Variants in CYFIP2 observed in about 807,000 individuals in gnomAD.
The protein encoded by CYFIP2 is cytoplasmic FMR1 interacting protein 2, also known as cytoplasmic FMR1-interacting protein 2.
In CYFIP2, 29 loss-of-function variants were observed where a neutral mutation model predicts 158.7. That is an observed-to-expected ratio of 0.18 (90% CI 0.14 to 0.25). CYFIP2 has a LOEUF of 0.25. Ranked by LOEUF, CYFIP2 falls within the 10% of genes least tolerant of loss-of-function variation. The pLI is 1.00. For missense variants in CYFIP2, 852 were observed against 1,639.5 expected (o/e 0.52, Z 8.29); for synonymous variants, 585 against 617.6 (o/e 0.95, Z 0.78).
rs141545128 is a variant in CYFIP2 at position 157,312,486 on chromosome 5, A to G, written c.1110+705A>G. ...TCCTTCTGATACTCATCCCATACGT[A>G]CCCTCCTAATAAATGAATATGCTGT... On this transcript the variant is annotated intron_variant, in intron 11 of 30. Coordinates refer to ENST00000620254, the MANE Select transcript of CYFIP2 (RefSeq NM_001037333.3). 2.0e-4 allele frequency among the ~76,000 whole-genome samples: 30 copies of G among 152,252 alleles called. No individual in the cohort carries two copies. In the East Asian group the frequency reaches 5.6e-3, roughly 28 times the overall value.
intron 13 of CYFIP2, among the ~76,000 whole-genome samples, chr5:157,319,417 A>T (rs983185262): frequency 1.3e-5 from 2 of 152,244 alleles, no homozygotes; most frequent in Non-Finnish European, 2.9e-5. Flanking sequence ...CACTTCTCAA[A>T]ATGCTCAAAT....
chr5:157,316,132 G>A (rs1760124842), intron 13 of CYFIP2, among the ~76,000 whole-genome samples: 1 of 151,964 alleles, frequency 6.6e-6, no homozygotes, highest in African/African-American at 2.4e-5. Context: ...ATACCTACAT[G>A]GAAGGCTATG....
At chr5:157,360,204 C>G (rs2113358756) in intron 24 of CYFIP2, 78 bp from the exon 25 acceptor site, 3 of 1,218,060 alleles carry the variant, frequency 2.5e-6, no homozygotes, top group Non-Finnish European at 3.5e-6. Flanking sequence ...GCCCCATCCT[C>G]TCAGAGGTCT....
At chr5:157,324,372 C>T (rs995344138) in intron 16 of CYFIP2, among the ~76,000 whole-genome samples, 3 of 152,222 alleles carry the variant, frequency 2.0e-5, no homozygotes, top group Admixed American at 6.5e-5. Flanking sequence ...TACAGACACA[C>T]GGATGCTAGA....
chr5:157,338,527 A>G (rs1762017265), intron 21 of CYFIP2, among the ~76,000 whole-genome samples: 1 of 152,260 alleles, frequency 6.6e-6, no homozygotes, highest in Non-Finnish European at 1.5e-5. Flanking sequence ...TAAGAATGGC[A>G]GCAATACTGA....
intron 21 of CYFIP2, among the ~76,000 whole-genome samples, chr5:157,335,160 A>G (rs1761759454): frequency 6.6e-6 from 1 of 152,172 alleles, no homozygotes; most frequent in South Asian, 2.1e-4. Flanking sequence ...TGTGCAAGTT[A>G]CTCAGCTTCT....
chr5:157,294,489 C>G (rs1236181), intron 3 of CYFIP2, among the ~76,000 whole-genome samples: 99,491 of 152,116 alleles, frequency 0.65, 33,968 homozygotes, highest in Admixed American at 0.8. Flanking sequence ...GCACATAGCT[C>G]TGCCCCATTC....
intron 4 of CYFIP2, among the ~76,000 whole-genome samples, chr5:157,295,523 T>A (rs1215108184): frequency 6.6e-6 from 1 of 152,226 alleles, no homozygotes; most frequent in African/African-American, 2.4e-5. Flanking sequence ...TATTAACAAT[T>A]TGGTTTGCAT....
chr5:157,307,715 C>A, intron 8 of CYFIP2, 46 bp from the exon 9 acceptor site: 1 of 1,248,182 alleles, frequency 8.0e-7, no homozygotes, highest in South Asian at 1.3e-5. Flanking sequence ...TAAACTTTTC[C>A]AGCAGATGTG....
intron 17 of CYFIP2, chr5:157,325,919 C>G: frequency 1.8e-6 from 1 of 543,014 alleles, no homozygotes; most frequent in Non-Finnish European, 3.2e-6. Flanking sequence ...GTATTCTTAA[C>G]TGCTACCTGA....
chr5:157,309,883 C>T (rs751027634), intron 10 of CYFIP2, 49 bp downstream of exon 10: 28 of 1,529,158 alleles, frequency 1.8e-5, no homozygotes, highest in East Asian at 9.7e-5. Flanking sequence ...ATGCCCAGCC[C>T]GGGCAGAGAG....
At position 157,389,245 on chromosome 5, in the gene CYFIP2, C is replaced by A; in HGVS notation, c.3264C>A (p.Gly1088=). 6.2e-7 allele frequency: 1 copy of A among 1,614,052 alleles called. No homozygotes were observed. Among genetic ancestry groups the A allele is most frequent in the Non-Finnish European group, 8.5e-7 (1 of 1,179,884 alleles). The change falls in exon 29 of 31, where the codon GGC becomes GGA. Residue 1088 remains glycine (G), a synonymous_variant. Transcript: ENST00000620254. Reference sequence around the variant, plus strand: ...TGACCAAGGAGCGGCTGTGCTGTGGCCTGTCCATGTTCGAGGTCATCCTGA... The same window carrying A: ...TGACCAAGGAGCGGCTGTGCTGTGGACTGTCCATGTTCGAGGTCATCCTGA... ...DLLTKERLCC[G]LSMFEVILTR... is the part of the protein sequence containing the mutation.
At chr5:157,348,558 T>A (rs1403113723) in intron 23 of CYFIP2, among the ~76,000 whole-genome samples, 1 of 152,166 alleles carries the variant, frequency 6.6e-6, no homozygotes, top group Non-Finnish European at 1.5e-5. Flanking sequence ...ACTACAGGTG[T>A]GCACCACCAT....
Position 157,330,476 on chromosome 5 carries a change from T to C in CYFIP2, c.2157-266T>C, listed in dbSNP as rs544359401. On this transcript the variant is annotated intron_variant, in intron 19 of 30. Coordinates refer to ENST00000620254, the MANE Select transcript of CYFIP2 (RefSeq NM_001037333.3). ...GGGATACACCAAGCAGGCACTCAAT[T>C]GCTTTTGCAGTAAATGAATAAAAGA... Among the ~76,000 whole-genome samples, 106 of 152,278 alleles carry C rather than the reference T, an allele frequency of 7.0e-4. 2 individuals carry two copies. The South Asian group carries it at 0.018, about 26-fold the overall frequency.
At chr5:157,312,737 G>T (rs1394084872) in intron 11 of CYFIP2, among the ~76,000 whole-genome samples, 1 of 152,214 alleles carries the variant, frequency 6.6e-6, no homozygotes, top group African/African-American at 2.4e-5. Context: ...ACCATGACTT[G>T]TGGTCATTAG....
At chr5:157,376,784 G>A in intron 26 of CYFIP2, 2 of 417,632 alleles carry the variant, frequency 4.8e-6, no homozygotes, top group South Asian at 3.4e-5. Flanking sequence ...CCTTTCCCCT[G>A]GGGTCAGCCT....
chr5:157,280,596 T>G (rs1580960975), intron 1 of CYFIP2, among the ~76,000 whole-genome samples: 1 of 152,186 alleles, frequency 6.6e-6, no homozygotes, highest in East Asian at 1.9e-4. Context: ...GGAAGTTGGA[T>G]AAGAGCTGGG....
chr5:157,298,600 T>G (rs1462965147), intron 5 of CYFIP2, among the ~76,000 whole-genome samples: 1 of 151,514 alleles, frequency 6.6e-6, no homozygotes, highest in Non-Finnish European at 1.5e-5. Flanking sequence ...CCTGCCTTGG[T>G]CTCCCAAAGT....
intron 28 of CYFIP2, among the ~76,000 whole-genome samples, chr5:157,387,522 T>C (rs2113540461): frequency 6.6e-6 from 1 of 152,344 alleles, no homozygotes; most frequent in Admixed American, 6.5e-5. Context: ...AAAATATTCA[T>C]GGCTTGAGAA....
Sources: allele counts gnomAD v4.1 joint callset (sites outside exome capture counted in the v4.1 genomes callset), GRCh38; gene constraint gnomAD v4.1.1; transcripts MANE v1.5; gene names NCBI Gene and HGNC (gene_info 2026-07-23, HGNC 2026-07-21).